The following MSR1 variants were observed in gnomAD, a reference collection of about 807,000 sequenced individuals.
MSR1 encodes macrophage scavenger receptor 1, also known as macrophage scavenger receptor types I and II.
MSR1 carries 53 observed loss-of-function variants against 47.2 expected under a neutral mutation model. That is an observed-to-expected ratio of 1.12 (90% CI 0.90 to 1.41). MSR1 has a LOEUF of 1.41. MSR1 is among the 40% of genes most tolerant of loss of function. The probability of loss-of-function intolerance (pLI) is 0.00; values close to 1 mark genes in which losing one functional copy is unlikely to be tolerated. For synonymous variants in MSR1, 239 were observed against 185.6 expected (o/e 1.29, Z -2.34); for missense variants, 786 against 546.9 (o/e 1.44, Z -4.36).
chr8:16,168,962 T>G (rs966561747), intron 3 of MSR1, 92 bp from the exon 4 acceptor site: 3 of 1,257,096 alleles, frequency 2.4e-6, no homozygotes, highest in Non-Finnish European at 3.4e-6. Flanking sequence ...GTTCATTTTA[T>G]TCCATTCCAT....
At position 16,118,800 on chromosome 8, in the gene MSR1, T is replaced by C. The variant is rs184402044; in HGVS notation, c.1222+1618A>G. Among the ~76,000 whole-genome samples, 21 of 152,244 alleles carry C rather than the reference T, an allele frequency of 1.4e-4. No homozygotes were observed. The East Asian group carries it at 2.1e-3, about 15-fold the overall frequency. ...TTCTCTAGGGATGAAGAGTTGAGGA[T>C]TTTTTCTTTTTCCTCTTCTCCAGAA... On this transcript the variant is annotated intron_variant, in intron 9 of 9. Transcript: ENST00000262101.
intron 8 of MSR1, among the ~76,000 whole-genome samples, chr8:16,125,037 G>GAA (rs144781342): frequency 6.6e-6 from 1 of 151,960 alleles, no homozygotes; most frequent in African/African-American, 2.4e-5. Flanking sequence ...TGTTTTTATG[G>GAA]AAAAAAACCC....
chr8:16,171,246 A>C (rs1156843137), intron 3 of MSR1, among the ~76,000 whole-genome samples: 1 of 151,734 alleles, frequency 6.6e-6, no homozygotes, highest in Non-Finnish European at 1.5e-5. Flanking sequence ...AAAAAAAAAA[A>C]AAAAGAAGCT....
At chr8:16,131,425 G>C (rs1800252117) in intron 8 of MSR1, among the ~76,000 whole-genome samples, 1 of 110,690 alleles carries the variant, frequency 9.0e-6, no homozygotes, top group Non-Finnish European at 1.8e-5. Flanking sequence ...CTATGTATCT[G>C]TTTACTCTGT....
chr8:16,156,329 T>C (rs1445936138), intron 5 of MSR1, among the ~76,000 whole-genome samples: 5 of 151,896 alleles, frequency 3.3e-5, no homozygotes, highest in African/African-American at 9.7e-5. Flanking sequence ...GGAGACATAA[T>C]ACCCGAAGAA....
chr8:16,125,700 A>T (rs12680683), intron 8 of MSR1, among the ~76,000 whole-genome samples: 5,736 of 152,222 alleles, frequency 0.038, 215 homozygotes, highest in East Asian at 0.12. Context: ...TTTACCCTGG[A>T]AAGGAAGACA....
chr8:16,126,836 C>G (rs1025930334), intron 8 of MSR1, among the ~76,000 whole-genome samples: 2 of 152,078 alleles, frequency 1.3e-5, no homozygotes. Flanking sequence ...GGATTACAGA[C>G]ATGAGCCACT....
intron 6 of MSR1, among the ~76,000 whole-genome samples, chr8:16,153,419 T>C (rs1046696287): frequency 2.6e-5 from 4 of 152,036 alleles, no homozygotes; most frequent in Admixed American, 6.6e-5. Context: ...AGAAGAGTCA[T>C]TGATTACCCC....
chr8:16,162,848 C>T (rs1801199373), intron 5 of MSR1, among the ~76,000 whole-genome samples: 1 of 151,870 alleles, frequency 6.6e-6, no homozygotes, highest in Admixed American at 6.6e-5. Flanking sequence ...TCTTTGCTTT[C>T]CCTGGTCCTA....
intron 9 of MSR1, among the ~76,000 whole-genome samples, chr8:16,118,047 C>A (rs982269118): frequency 6.6e-6 from 1 of 152,132 alleles, no homozygotes; most frequent in South Asian, 2.1e-4. Flanking sequence ...ATGCTAAATA[C>A]AGACTTGTCA....
In MSR1 at chr8:16,117,358, G is replaced by A. The variant is rs534340225; in HGVS notation, c.1222+3060C>T. Among the ~76,000 whole-genome samples, 21 of 152,200 alleles carry A rather than the reference G, an allele frequency of 1.4e-4. No homozygotes were observed. In the South Asian group the frequency reaches 1.7e-3, roughly 12 times the overall value. On this transcript the variant is annotated intron_variant, in intron 9 of 9. Coordinates refer to ENST00000262101, the MANE Select transcript of MSR1 (RefSeq NM_138715.3). The stretch of plus-strand genomic sequence containing the variant: ...AGCCGTGATGCTAGAGCTGGGGAGC[G>A]GCTGCAAATAAAGATTAACATTAGC...
chr8:16,120,338 C>G, intron 9 of MSR1, 80 bp downstream of exon 9: 1 of 1,478,830 alleles, frequency 6.8e-7, no homozygotes, highest in Non-Finnish European at 9.4e-7. Context: ...GATCGCGCCA[C>G]TGCACTCCAG....
intron 8 of MSR1, among the ~76,000 whole-genome samples, chr8:16,125,903 A>G (rs1800117913): frequency 6.6e-6 from 1 of 152,122 alleles, no homozygotes; most frequent in Non-Finnish European, 1.5e-5. Context: ...AGGTGATGTG[A>G]TTACAGGTAT....
At chr8:16,134,929 C>A (rs777394974) in intron 8 of MSR1, among the ~76,000 whole-genome samples, 13 of 152,168 alleles carry the variant, frequency 8.5e-5, no homozygotes, top group Non-Finnish European at 1.6e-4. Flanking sequence ...AAGGCTCTAC[C>A]TCTCTTCAAT....
chr8:16,124,188 C>T (rs1800076221), intron 8 of MSR1, among the ~76,000 whole-genome samples: 1 of 152,142 alleles, frequency 6.6e-6, no homozygotes, highest in Admixed American at 6.5e-5. Context: ...CAGGCCGAGT[C>T]ACTTGCATGA....
At chr8:16,171,148 C>T (rs11785477) in intron 3 of MSR1, among the ~76,000 whole-genome samples, 18 of 147,722 alleles carry the variant, frequency 1.2e-4, no homozygotes, top group Admixed American at 7.6e-4. Context: ...TGCTTGAGCC[C>T]GGGAGGCGGA....
intron 8 of MSR1, among the ~76,000 whole-genome samples, chr8:16,136,567 A>G (rs1285167032): frequency 2.6e-5 from 4 of 151,976 alleles, no homozygotes; most frequent in Non-Finnish European, 5.9e-5. Context: ...TGTATTAGCT[A>G]TACACTCTAT....
At chr8:16,183,981 A>G (rs1249603911) in intron 1 of MSR1, among the ~76,000 whole-genome samples, 2 of 149,806 alleles carry the variant, frequency 1.3e-5, no homozygotes, top group East Asian at 3.9e-4. Flanking sequence ...GTAGGAATAC[A>G]GAAAAGATGA....
intron 6 of MSR1, among the ~76,000 whole-genome samples, chr8:16,152,193 C>T (rs963333560): frequency 6.6e-6 from 1 of 152,056 alleles, no homozygotes; most frequent in Admixed American, 6.6e-5. Flanking sequence ...TTAGCAGTGA[C>T]ATTTTTTGAT....
Sources: allele counts gnomAD v4.1 joint callset (sites outside exome capture counted in the v4.1 genomes callset), GRCh38; gene constraint gnomAD v4.1.1; transcripts MANE v1.5; gene names NCBI Gene and HGNC (gene_info 2026-07-23, HGNC 2026-07-21).